MKLN1: variants seen among roughly 807,000 people sequenced by gnomAD.
MKLN1 encodes the protein muskelin.
MKLN1 carries 18 observed loss-of-function variants against 99.0 expected under a neutral mutation model. That is an observed-to-expected ratio of 0.18 (90% confidence interval 0.13 to 0.27). The LOEUF (loss-of-function observed/expected upper bound fraction) is 0.27. Ranked by LOEUF, MKLN1 falls within the 10% of genes least tolerant of loss-of-function variation. The pLI is 1.00. For missense variants in MKLN1, 621 were observed against 875.9 expected, an observed-to-expected ratio of 0.71 and a Z score of 3.67; for synonymous variants, 288 against 293.2, an observed-to-expected ratio of 0.98 and a Z score of 0.18.
intron 1 of MKLN1, among the ~76,000 whole-genome samples, chr7:131,369,458 C>T (rs1800279550): frequency 6.6e-6 from 1 of 152,068 alleles, no homozygotes; most frequent in Admixed American, 6.6e-5. Flanking sequence ...AGACAATACA[C>T]AGGGATTTTG....
chr7:131,330,226 A>G (rs916555426), intron 1 of MKLN1, among the ~76,000 whole-genome samples: 3 of 152,232 alleles, frequency 2.0e-5, no homozygotes, highest in Non-Finnish European at 4.4e-5. Context: ...CAATTGTTGT[A>G]TCTTTACTGG....
intron 9 of MKLN1, among the ~76,000 whole-genome samples, chr7:131,431,517 G>A (rs1161414544): frequency 1.3e-5 from 2 of 152,086 alleles, no homozygotes; most frequent in East Asian, 3.9e-4. Context: ...GGGACTGCCT[G>A]GCTCTGTTTT....
rs1408051262 is a variant in MKLN1 at position 131,443,622 on chromosome 7, A to G, written c.1315A>G (p.Lys439Glu). Residue 439 changes from lysine (K) to glutamate (E), a missense_variant, in exon 11 of 18, where the codon AAA (lysine) becomes GAA (glutamate). Lys to Glu is a moderately conservative substitution (Grantham distance 56). Coordinates refer to ENST00000352689, the MANE Select transcript of MKLN1 (RefSeq NM_013255.5). ...FAFNCQCQTW[K>E]LLREDSCNAG... Reference sequence around the variant, plus strand: ...TTTCAACTGTCAATGTCAAACCTGGAAACTTCTTCGAGAGGACTCCTGTAA... The same window carrying G: ...TTTCAACTGTCAATGTCAAACCTGGGAACTTCTTCGAGAGGACTCCTGTAA... 1 of 1,614,176 alleles carries G rather than the reference A, an allele frequency of 6.2e-7. No homozygotes were observed. The highest frequency in any genetic ancestry group is 1.7e-5 in the Admixed American group (1 of 60,020).
intron 2 of MKLN1, among the ~76,000 whole-genome samples, chr7:131,379,414 GAAAT>G (rs1323940703): frequency 1.3e-5 from 2 of 151,978 alleles, no homozygotes; most frequent in African/African-American, 4.8e-5. Context: ...TATATTTAAA[GAAAT>G]AAAAGAAATT....
intron 3 of MKLN1, among the ~76,000 whole-genome samples, chr7:131,206,553 G>GTTA (rs71527993): frequency 4.7e-5 from 7 of 147,698 alleles, no homozygotes; most frequent in South Asian, 2.1e-4. Context: ...TATTATTATT[G>GTTA]TTATTATTAT....
intron 1 of MKLN1, among the ~76,000 whole-genome samples, chr7:131,118,889 T>C (rs1353931148): frequency 6.6e-6 from 1 of 152,200 alleles, no homozygotes; most frequent in Admixed American, 6.5e-5. Flanking sequence ...CATTGGGAAT[T>C]ACAATTCAAC....
chr7:131,128,845 C>T (rs1795504760), intron 1 of MKLN1, among the ~76,000 whole-genome samples: 4 of 151,130 alleles, frequency 2.6e-5, no homozygotes, highest in African/African-American at 4.9e-5. Flanking sequence ...GGTGATCCTT[C>T]CCCTTCAGCC....
chr7:131,365,809 G>GT lies in MKLN1; in HGVS notation c.99-9606dup, dbSNP rs559012381. On this transcript the variant is annotated intron_variant, in intron 1 of 17. Coordinates refer to ENST00000352689, the MANE Select transcript of MKLN1 (RefSeq NM_013255.5). Reference sequence around the variant, plus strand: ...TGTCTGTCTCTTAAATTTTATGTGTGTTTTTTTTTATGTTTAAAAAATACT... The same window carrying GT: ...TGTCTGTCTCTTAAATTTTATGTGTGTTTTTTTTTTATGTTTAAAAAATACT... Among the ~76,000 whole-genome samples, 44 of 150,666 alleles carry GT rather than the reference G, an allele frequency of 2.9e-4. No individual in the cohort carries two copies. In the South Asian group the frequency reaches 5.3e-3, roughly 18 times the overall value.
chr7:131,254,606 TA>T (rs200214844), intron 3 of MKLN1, among the ~76,000 whole-genome samples: 1 of 151,672 alleles, frequency 6.6e-6, no homozygotes, highest in South Asian at 2.1e-4. Flanking sequence ...GATTTTTTTT[TA>T]AAAAAGAACC....
At chr7:131,414,845 T>C (rs1022501998) in intron 8 of MKLN1, 135 bp downstream of exon 8, 1 of 460,804 alleles carries the variant, frequency 2.2e-6, no homozygotes, top group Non-Finnish European at 4.1e-6. Flanking sequence ...TAAAAAAAGT[T>C]TAACATGCGG....
At chr7:131,200,336 A>G (rs1481559447) in intron 2 of MKLN1, among the ~76,000 whole-genome samples, 2 of 152,198 alleles carry the variant, frequency 1.3e-5, no homozygotes, top group Non-Finnish European at 1.5e-5. Flanking sequence ...TTAAACTCAT[A>G]TTTGGGCAAA....
intron 2 of MKLN1, among the ~76,000 whole-genome samples, chr7:131,181,754 G>A (rs1464905616): frequency 6.6e-6 from 1 of 151,636 alleles, no homozygotes; most frequent in East Asian, 1.9e-4. Context: ...CCACCTCCTG[G>A]GTTCAAGCAA....
intron 8 of MKLN1, among the ~76,000 whole-genome samples, chr7:131,420,484 A>G (rs557291479): frequency 6.6e-6 from 1 of 152,306 alleles, no homozygotes; most frequent in African/African-American, 2.4e-5. Context: ...AGAGGATCCA[A>G]TATGGTAATA....
At position 131,490,982 on chromosome 7, in the gene MKLN1, C is replaced by G. The variant is rs1797408504; in HGVS notation, c.*3254C>G. 1 of 152,118 alleles carries G rather than the reference C, an allele frequency of 6.6e-6. No homozygotes were observed. Among genetic ancestry groups the G allele is most frequent in the South Asian group, 2.1e-4 (1 of 4,822 alleles). The allele number at this position is 152,118 out of a possible 1,614,324, so 9.4% of individuals were successfully genotyped here. A position where few individuals can be genotyped will look rare whatever the true frequency, so the allele number is the denominator to read the frequency against. On this transcript the variant is annotated 3_prime_UTR_variant, in exon 18 of 18. Coordinates refer to ENST00000352689, the MANE Select transcript of MKLN1 (RefSeq NM_013255.5). ...TCAAAAAAGCAATTAGGAGTATGTT[C>G]CTGATTTTATTCTCTAAATTATACT...
chr7:131,319,787 A>G (rs1395854380), intron 3 of MKLN1, among the ~76,000 whole-genome samples: 2 of 152,158 alleles, frequency 1.3e-5, no homozygotes, highest in African/African-American at 4.8e-5. Flanking sequence ...TACACCAATC[A>G]TAGAGAACAG....
chr7:131,328,119 C>T (rs1207416462), intron 1 of MKLN1, 122 bp downstream of exon 1: 11 of 1,220,728 alleles, frequency 9.0e-6, no homozygotes, highest in Middle Eastern at 2.0e-4. Context: ...GGGGGACGTG[C>T]GGCCTCCGGA....
intron 4 of MKLN1, among the ~76,000 whole-genome samples, chr7:131,395,443 A>G (rs1794330057): frequency 8.2e-6 from 1 of 121,664 alleles, no homozygotes. Context: ...GCCATTGGTA[A>G]AAATTATTTT....
intron 2 of MKLN1, among the ~76,000 whole-genome samples, chr7:131,384,883 G>T (rs1351413256): frequency 6.6e-6 from 1 of 152,098 alleles, no homozygotes; most frequent in African/African-American, 2.4e-5. Context: ...TTTTATTGAG[G>T]TAAAATCACA....
chr7:131,335,280 A>G (rs1432288351), intron 1 of MKLN1, among the ~76,000 whole-genome samples: 1 of 152,204 alleles, frequency 6.6e-6, no homozygotes, highest in African/African-American at 2.4e-5. Context: ...ATTCTGTAGA[A>G]TACTGTGTAT....
Sources: allele counts gnomAD v4.1 joint callset (sites outside exome capture counted in the v4.1 genomes callset), GRCh38; gene constraint gnomAD v4.1.1; transcripts MANE v1.5; gene names NCBI Gene and HGNC (gene_info 2026-07-23, HGNC 2026-07-21).